The following MEF2D variants were observed in gnomAD, a reference collection of about 807,000 sequenced individuals.
MEF2D encodes the protein myocyte enhancer factor 2D, also known as myocyte-specific enhancer factor 2D.
In MEF2D, 10 loss-of-function variants were observed where a neutral mutation model predicts 59.3. That is an observed-to-expected ratio of 0.17 (90% confidence interval 0.10 to 0.29). MEF2D has a LOEUF of 0.29. Ranked by LOEUF, MEF2D falls within the 10% of genes least tolerant of loss-of-function variation. The probability of loss-of-function intolerance (pLI) is 1.00; values close to 1 mark genes in which losing one functional copy is unlikely to be tolerated. For synonymous variants in MEF2D, 305 were observed against 295.0 expected, an observed-to-expected ratio of 1.03 and a Z score of -0.35; for missense variants, 508 against 699.4, an observed-to-expected ratio of 0.73 and a Z score of 3.09.
intron 1 of MEF2D, among the ~76,000 whole-genome samples, chr1:156,493,173 AAGAG>A (rs1274854689): frequency 6.6e-6 from 1 of 152,164 alleles, no homozygotes; most frequent in Non-Finnish European, 1.5e-5. Flanking sequence ...CATGAGAGCT[AAGAG>A]AGAGGGGAAA....
chr1:156,487,308 C>A (rs967058075), intron 1 of MEF2D, among the ~76,000 whole-genome samples: 2 of 152,230 alleles, frequency 1.3e-5, no homozygotes, highest in African/African-American at 4.8e-5. Context: ...TAGGCCCCAT[C>A]TATCCCCACT....
At chr1:156,475,067 A>G (rs767807329) in intron 9 of MEF2D, 41 bp downstream of exon 9, 7 of 1,613,236 alleles carry the variant, frequency 4.3e-6, no homozygotes, top group African/African-American at 1.3e-5. Context: ...TGCCTGCCCC[A>G]AGCCCAAGTG....
chr1:156,476,913 G>T, intron 7 of MEF2D, 99 bp downstream of exon 7: 1 of 1,404,366 alleles, frequency 7.1e-7, no homozygotes, highest in Non-Finnish European at 9.9e-7. Flanking sequence ...AGTCCTAACT[G>T]CTGGCTAGCC....
rs1448561320 is a variant in MEF2D, at chr1:156,466,880, CTT to C, written c.*763_*764del. 6.5e-6 allele frequency: 1 copy of C among 152,756 alleles called. No homozygotes were observed. The highest frequency in any genetic ancestry group is 2.4e-5 in the African/African-American group (1 of 41,438). 9.5% of individuals were successfully genotyped at this position (152,756 alleles called of 1,614,324 possible). On this transcript the variant is annotated 3_prime_UTR_variant, in exon 12 of 12. Coordinates refer to ENST00000348159, the MANE Select transcript of MEF2D (RefSeq NM_005920.4). ...TCCTCAGCCCTCTCCTCATGGCTCT[CTT>C]GTCTTTCCCTCCAAATGTGCTTCCA...
chr1:156,485,957 C>T (rs939727355), intron 1 of MEF2D, among the ~76,000 whole-genome samples: 1 of 151,660 alleles, frequency 6.6e-6, no homozygotes, highest in African/African-American at 2.4e-5. Context: ...TCAAGCGATT[C>T]TCCTGCCTCG....
chr1:156,467,566 G>A lies in MEF2D; in HGVS notation c.*79C>T. 1.1e-5 allele frequency: 13 copies of A among 1,200,096 alleles called. No individual in the cohort carries two copies. The highest frequency in any genetic ancestry group is 1.4e-5 in the Non-Finnish European group (13 of 918,704). 74.3% of individuals were successfully genotyped at this position (1,200,096 alleles called of 1,614,324 possible). On this transcript the variant is annotated 3_prime_UTR_variant, in exon 12 of 12. Transcript: ENST00000348159. ...AAAGGAAGTGGGGGTCGAGCGGGAG[G>A]AGCCCGGGGCAGGGAAGGGCGGGCG...
intron 3 of MEF2D, 86 bp from the exon 4 acceptor site, chr1:156,481,057 C>T: frequency 6.4e-7 from 1 of 1,565,734 alleles, no homozygotes; most frequent in Non-Finnish European, 8.7e-7. Flanking sequence ...CCTAAGGGCC[C>T]CCTACTCTTC....
chr1:156,477,683 C>T (rs1009793888), intron 6 of MEF2D, among the ~76,000 whole-genome samples: 1 of 152,148 alleles, frequency 6.6e-6, no homozygotes, highest in Non-Finnish European at 1.5e-5. Flanking sequence ...CACTGAGAAG[C>T]CTGGTCACCA....
chr1:156,470,043 G>T (rs1318387404), intron 9 of MEF2D, among the ~76,000 whole-genome samples: 1 of 152,260 alleles, frequency 6.6e-6, no homozygotes, highest in Non-Finnish European at 1.5e-5. Flanking sequence ...GGTTCCAGCA[G>T]ATCTCCCCAT....
intron 1 of MEF2D, among the ~76,000 whole-genome samples, chr1:156,493,524 G>C (rs1571271117): frequency 6.6e-6 from 1 of 151,898 alleles, no homozygotes; most frequent in East Asian, 1.9e-4. Context: ...CAGGAAAGGT[G>C]CCAGGTGAGG....
intron 1 of MEF2D, among the ~76,000 whole-genome samples, chr1:156,494,971 T>C (rs139901291): frequency 3.5e-4 from 53 of 152,266 alleles, no homozygotes; most frequent in African/African-American, 1.3e-3. Flanking sequence ...GTGTCTGCCT[T>C]GAGACAAGCC....
chr1:156,490,121 T>C (rs993213606), intron 1 of MEF2D, among the ~76,000 whole-genome samples: 3 of 152,126 alleles, frequency 2.0e-5, no homozygotes, highest in African/African-American at 7.2e-5. Flanking sequence ...CTCCGAAGTC[T>C]GAGCCAAGGC....
intron 6 of MEF2D, among the ~76,000 whole-genome samples, chr1:156,478,553 G>A (rs539188766): frequency 2.4e-3 from 370 of 152,162 alleles, no homozygotes; most frequent in African/African-American, 8.5e-3. Context: ...TTTTTGAGAC[G>A]GAGTTTCGCT....
chr1:156,482,518 G>A lies in MEF2D; in HGVS notation c.177C>T (p.Ser59=), dbSNP rs758536030. 2 of 1,614,138 alleles carry A rather than the reference G, an allele frequency of 1.2e-6. No homozygotes were observed. The highest frequency in any genetic ancestry group is 2.7e-5 in the African/African-American group (2 of 74,940). Residue 59 remains serine (S), a synonymous_variant, in exon 3 of 12, where the codon AGC becomes AGT. Coordinates refer to ENST00000348159, the MANE Select transcript of MEF2D (RefSeq NM_005920.4). ...TGAGCAGCACCTTGTCCATGTCGGT[G>A]CTGGCGTACTGGAACAGCTTGTTGG... ...NHSNKLFQYA[S]TDMDKVLLKY...
intron 6 of MEF2D, among the ~76,000 whole-genome samples, chr1:156,478,561 G>A (rs1398318822): frequency 1.3e-5 from 2 of 152,010 alleles, no homozygotes; most frequent in Non-Finnish European, 2.9e-5. Context: ...ACGGAGTTTC[G>A]CTCCTGTTGC....
At position 156,494,818 on chromosome 1, in the gene MEF2D, A is replaced by AG. The variant is rs1673034220; in HGVS notation, c.-139+5667dup. ...CAAGGTCACCAGAAATAAGGGGCAG[A>AG]GGCAGACTGACTGTTGGGCACAGGG... On this transcript the variant is annotated intron_variant, in intron 1 of 11. Coordinates refer to ENST00000348159, the MANE Select transcript of MEF2D (RefSeq NM_005920.4). 2.6e-5 allele frequency among the ~76,000 whole-genome samples: 4 copies of AG among 152,358 alleles called. No individual in the cohort carries two copies. The South Asian group carries it at 8.3e-4, about 32-fold the overall frequency.
In MEF2D at chr1:156,468,906, T is replaced by G; in HGVS notation, c.1121A>C (p.Gln374Pro). 3 of 1,613,404 alleles carry G rather than the reference T, an allele frequency of 1.9e-6. No individual in the cohort carries two copies. Among genetic ancestry groups the G allele is most frequent in the Non-Finnish European group, 2.5e-6 (3 of 1,179,656 alleles). Reference protein sequence around the residue: ...WQQPQQPQQPQQPQPPQQQPP... With the variant: ...WQQPQQPQQPPQPQPPQQQPP... ...CTGCTGCTGTGGAGGCTGTGGCTGCTGCGGCTGCTGGGGCTGCTGTGGCTG... is the reference window on the plus strand; with the variant it reads ...CTGCTGCTGTGGAGGCTGTGGCTGCGGCGGCTGCTGGGGCTGCTGTGGCTG... Residue 374 changes from glutamine (Q) to proline (P), a missense_variant, in exon 10 of 12, where the codon CAG becomes CCG. Gln to Pro is a moderately conservative substitution (Grantham distance 76). This residue lies in a region of MEF2D where 481 missense variants were observed against 584.7 expected (regional missense o/e 0.82). Coordinates refer to ENST00000348159, the MANE Select transcript of MEF2D (RefSeq NM_005920.4). This position sits in a 1 kb window ranked among gnomAD's most constrained non-coding sequence, Gnocchi z 4.3.
chr1:156,480,723 CA>C, intron 4 of MEF2D, 110 bp downstream of exon 4: 1 of 1,611,292 alleles, frequency 6.2e-7, no homozygotes, highest in Non-Finnish European at 8.5e-7. Context: ...GGGGTCAGGG[CA>C]AACACCTCGT....
chr1:156,467,543 AG>A lies in MEF2D; in HGVS notation c.*101del. ...GTCAACAGGACACGAAGCACAAGAA[AG>A]GAAGTGGGGGTCGAGCGGGAGGAGC... On this transcript the variant is annotated 3_prime_UTR_variant, in exon 12 of 12. Coordinates refer to ENST00000348159, the MANE Select transcript of MEF2D (RefSeq NM_005920.4). 4 of 798,600 alleles carry A rather than the reference AG, an allele frequency of 5.0e-6. No individual in the cohort carries two copies. The highest frequency in any genetic ancestry group is 7.2e-6 in the Non-Finnish European group (4 of 552,300). The allele number at this position is 798,600 out of a possible 1,614,324, so 49.5% of individuals were successfully genotyped here. A position where few individuals can be genotyped will look rare whatever the true frequency, so the allele number is the denominator to read the frequency against.
Sources: allele counts gnomAD v4.1 joint callset (sites outside exome capture counted in the v4.1 genomes callset), GRCh38; gene constraint gnomAD v4.1.1; regional missense constraint gnomAD v4.1.1; non-coding constraint Gnocchi (gnomAD v3.1); transcripts MANE v1.5; gene names NCBI Gene and HGNC (gene_info 2026-07-23, HGNC 2026-07-21).